The following RNF115 variants were observed in gnomAD, a reference collection of about 807,000 sequenced individuals.
The protein encoded by RNF115 is ring finger protein 115, also known as E3 ubiquitin-protein ligase RNF115.
Under a neutral mutation model 39.2 loss-of-function variants are expected in RNF115, and 31 were observed. The ratio of observed to expected loss-of-function variants is 0.79; its 90% CI spans 0.59 to 1.07. The LOEUF is 1.07. RNF115 is among the 50% of genes least tolerant of loss of function. The pLI, the probability that RNF115 is intolerant of heterozygous loss-of-function variation, is 0.00. For synonymous variants in RNF115, 124 were observed against 131.0 expected (o/e 0.95, Z 0.37); for missense variants, 384 against 381.7 (o/e 1.01, Z -0.05).
intron 3 of RNF115, among the ~76,000 whole-genome samples, chr1:145,777,036 C>T (rs1409625309): frequency 6.6e-6 from 1 of 152,078 alleles, no homozygotes; most frequent in African/African-American, 2.4e-5. Flanking sequence ...AAAGTAAACA[C>T]GACATTTAAA....
At chr1:145,768,298 G>C (rs1647473061) in intron 4 of RNF115, among the ~76,000 whole-genome samples, 1 of 152,200 alleles carries the variant, frequency 6.6e-6, no homozygotes, top group Non-Finnish European at 1.5e-5. Context: ...CACAGACCTG[G>C]ACCCTGTTGG....
At chr1:145,749,304 GTC>G (rs1407221093) in intron 7 of RNF115, among the ~76,000 whole-genome samples, 2 of 152,058 alleles carry the variant, frequency 1.3e-5, no homozygotes, top group African/African-American at 4.8e-5. Flanking sequence ...AAATTCCACG[GTC>G]TTAACCCTCC....
chr1:145,759,249 A>G (rs1658412689), intron 4 of RNF115, among the ~76,000 whole-genome samples: 1 of 152,174 alleles, frequency 6.6e-6, no homozygotes, highest in South Asian at 2.1e-4. Context: ...AATTTTAAAT[A>G]TCATATATAG....
intron 1 of RNF115, among the ~76,000 whole-genome samples, chr1:145,807,890 C>T (rs1213447166): frequency 6.6e-6 from 1 of 152,132 alleles, no homozygotes; most frequent in African/African-American, 2.4e-5. Flanking sequence ...CCATTCTCTA[C>T]CTGCATGAAA....
Position 145,807,375 on chromosome 1 carries a change from G to A in RNF115, c.102+16397C>T, listed in dbSNP as rs148455739. On this transcript the variant is annotated intron_variant, in intron 1 of 8. Transcript: ENST00000582693. ...ACTCTGAATCTGTCCATCTAATACT[G>A]ATTGCATATTAAAATAGGATGCTAA... Among the ~76,000 whole-genome samples the A allele has an allele frequency of 5.1e-4, 77 of 152,214 alleles. No homozygotes were observed. The East Asian group carries it at 0.014, about 27-fold the overall frequency.
rs1657799923 is a variant in RNF115 at position 145,744,599 on chromosome 1, T to A, written c.*2267A>T. The A allele has an allele frequency of 6.6e-6, 1 of 152,244 alleles. No individual in the cohort carries two copies. The highest frequency in any genetic ancestry group is 1.5e-5 in the Non-Finnish European group (1 of 68,044). The allele number at this position is 152,244 out of a possible 1,614,324, so 9.4% of individuals were successfully genotyped here. A position where few individuals can be genotyped will look rare whatever the true frequency, so the allele number is the denominator to read the frequency against. ...TTTACCAAAGTACAGAGAAACGTTATCTCTAGCCCCCTTCCGTCACCCACA... is the reference window on the plus strand; with the variant it reads ...TTTACCAAAGTACAGAGAAACGTTAACTCTAGCCCCCTTCCGTCACCCACA... On this transcript the variant is annotated 3_prime_UTR_variant, in exon 9 of 9. Coordinates refer to ENST00000582693, the MANE Select transcript of RNF115 (RefSeq NM_014455.4).
At chr1:145,808,594 T>G (rs1315687497) in intron 1 of RNF115, among the ~76,000 whole-genome samples, 1 of 152,200 alleles carries the variant, frequency 6.6e-6, no homozygotes, top group Non-Finnish European at 1.5e-5. Flanking sequence ...AGACTAGCAG[T>G]GAAAATTAAT....
In RNF115 at chr1:145,784,577, T is replaced by C; in HGVS notation, c.181A>G (p.Ser61Gly). ...GTTGTTGTGGTATTGTCTATCCGAC[T>C]GCCGCCACCACCTAAAAAACTAAAG... ...DDSSFLGGGG[S>G]RIDNTTTTHF... The change falls in exon 3 of 9, where the codon AGT (serine) becomes GGT (glycine). Residue 61 changes from serine (S) to glycine (G), a missense_variant. Coordinates refer to ENST00000582693, the MANE Select transcript of RNF115 (RefSeq NM_014455.4). 2 of 1,614,054 alleles carry C rather than the reference T, an allele frequency of 1.2e-6. No individual in the cohort carries two copies. Among genetic ancestry groups the C allele is most frequent in the Non-Finnish European group, 8.5e-7 (1 of 1,179,924 alleles).
intron 1 of RNF115, among the ~76,000 whole-genome samples, chr1:145,822,097 C>T (rs1332471144): frequency 6.6e-6 from 1 of 151,896 alleles, no homozygotes; most frequent in African/African-American, 2.4e-5. Context: ...GAGCCCGAGT[C>T]GGGTGGATCA....
At chr1:145,767,900 T>G (rs1161103759) in intron 4 of RNF115, among the ~76,000 whole-genome samples, 1 of 152,120 alleles carries the variant, frequency 6.6e-6, no homozygotes. Context: ...GCAGGGAGGT[T>G]GCAGTGAGCC....
At chr1:145,750,587 G>A in intron 6 of RNF115, 87 bp from the exon 7 acceptor site, 5 of 967,652 alleles carry the variant, frequency 5.2e-6, no homozygotes, top group South Asian at 1.4e-5. Context: ...AACAAACAGT[G>A]CAGACATTAG....
chr1:145,747,972 A>C (rs1657936055), intron 8 of RNF115, 23 bp downstream of exon 8: 6 of 1,455,678 alleles, frequency 4.1e-6, no homozygotes, highest in African/African-American at 2.8e-5. Context: ...TCCCCCAAAG[A>C]AGCCATGACT....
intron 1 of RNF115, among the ~76,000 whole-genome samples, chr1:145,819,484 CAGA>C (rs1286317381): frequency 1.3e-5 from 2 of 151,854 alleles, no homozygotes; most frequent in African/African-American, 4.8e-5. Flanking sequence ...ACTTACCAAT[CAGA>C]AAAGGCCCTG....
At chr1:145,762,151 C>T (rs1553713943) in intron 4 of RNF115, among the ~76,000 whole-genome samples, 1 of 152,188 alleles carries the variant, frequency 6.6e-6, no homozygotes, top group Non-Finnish European at 1.5e-5. Context: ...GGCTCACAGG[C>T]AGAAGGGACT....
At chr1:145,760,837 CAGA>C (rs1658474793) in intron 4 of RNF115, among the ~76,000 whole-genome samples, 1 of 152,138 alleles carries the variant, frequency 6.6e-6, no homozygotes, top group African/African-American at 2.4e-5. Context: ...TTGAAGGGCT[CAGA>C]AGAAGACAAG....
At chr1:145,771,332 G>T (rs1460798770) in intron 4 of RNF115, among the ~76,000 whole-genome samples, 1 of 152,178 alleles carries the variant, frequency 6.6e-6, no homozygotes, top group Non-Finnish European at 1.5e-5. Flanking sequence ...GACACAGCAA[G>T]AAGGCCCTCG....
intron 3 of RNF115, 22 bp downstream of exon 3, chr1:145,784,517 C>G (rs1553717871): frequency 6.2e-7 from 1 of 1,609,276 alleles, no homozygotes; most frequent in Non-Finnish European, 8.5e-7. Context: ...TAAAGAATTC[C>G]TACAGCTAAA....
chr1:145,789,250 A>G (rs1018941998), intron 1 of RNF115, among the ~76,000 whole-genome samples: 1 of 152,044 alleles, frequency 6.6e-6, no homozygotes, highest in Non-Finnish European at 1.5e-5. Context: ...CCACAGGCAC[A>G]TGCCAACATA....
chr1:145,811,298 A>G (rs1553722476), intron 1 of RNF115, among the ~76,000 whole-genome samples: 1 of 149,534 alleles, frequency 6.7e-6, no homozygotes, highest in African/African-American at 2.5e-5. Context: ...AAGGAGGAGG[A>G]CAGCTTGAGC....
Sources: allele counts gnomAD v4.1 joint callset (sites outside exome capture counted in the v4.1 genomes callset), GRCh38; gene constraint gnomAD v4.1.1; transcripts MANE v1.5; gene names NCBI Gene and HGNC (gene_info 2026-07-23, HGNC 2026-07-21).